The following NELL1 variants were observed in gnomAD, a reference collection of about 807,000 sequenced individuals.
NELL1 encodes the protein neural EGFL like 1.
NELL1 carries 76 observed loss-of-function variants against 107.4 expected under a neutral mutation model. The ratio of observed to expected loss-of-function variants is 0.71; its 90% confidence interval spans 0.59 to 0.86. The LOEUF is 0.86. NELL1 is among the 40% of genes least tolerant of loss of function. The pLI, the probability that NELL1 is intolerant of heterozygous loss-of-function variation, is 0.00. For missense variants in NELL1, 1,024 were observed against 1,005.5 expected, an observed-to-expected ratio of 1.02 and a Z score of -0.25; for synonymous variants, 353 against 341.2, an observed-to-expected ratio of 1.03 and a Z score of -0.38.
At chr11:21,535,369 T>C (rs1856108219) in intron 16 of NELL1, among the ~76,000 whole-genome samples, 2 of 152,200 alleles carry the variant, frequency 1.3e-5, no homozygotes, top group African/African-American at 4.8e-5. Flanking sequence ...AAAGTTTAGC[T>C]TGCTGAATTA....
rs138465155 is a variant in NELL1 at position 20,951,335 on chromosome 11, C to T, written c.1171+3900C>T. ...TTAACTTAGTCTTACCAAATTTTCT[C>T]ATATGGTTACTGTCCCCCACCCCAC... On this transcript the variant is annotated intron_variant, in intron 11 of 19. Coordinates refer to ENST00000357134, the MANE Select transcript of NELL1 (RefSeq NM_006157.5). 3.2e-4 allele frequency among the ~76,000 whole-genome samples: 49 copies of T among 152,270 alleles called. No individual in the cohort carries two copies. In the East Asian group the frequency reaches 9.1e-3, roughly 28 times the overall value.
chr11:21,071,164 A>G (rs1046953375), intron 12 of NELL1, among the ~76,000 whole-genome samples: 25 of 152,138 alleles, frequency 1.6e-4, no homozygotes, highest in Admixed American at 1.4e-3. Flanking sequence ...TTGGGGCCTC[A>G]GTTTTATTAT....
At chr11:21,334,614 T>C (rs1405014949) in intron 14 of NELL1, among the ~76,000 whole-genome samples, 2 of 151,972 alleles carry the variant, frequency 1.3e-5, no homozygotes, top group Admixed American at 6.6e-5. Context: ...ATTATATCTT[T>C]GTAGAATTCA....
At chr11:20,904,374 C>A (rs995038997) in intron 5 of NELL1, among the ~76,000 whole-genome samples, 1 of 151,920 alleles carries the variant, frequency 6.6e-6, no homozygotes, top group Admixed American at 6.6e-5. Flanking sequence ...ATTGTATGCA[C>A]GTACCAAATA....
At chr11:20,678,756 C>G (rs547398092) in intron 2 of NELL1, among the ~76,000 whole-genome samples, 1 of 152,210 alleles carries the variant, frequency 6.6e-6, no homozygotes, top group African/African-American at 2.4e-5. Flanking sequence ...AAATAACTAG[C>G]TAGTTTCCTT....
At chr11:21,280,281 C>G (rs562545380) in intron 14 of NELL1, among the ~76,000 whole-genome samples, 1 of 152,208 alleles carries the variant, frequency 6.6e-6, no homozygotes, top group Non-Finnish European at 1.5e-5. Flanking sequence ...GCAAGACGGC[C>G]AAATAGAAGG....
intron 14 of NELL1, among the ~76,000 whole-genome samples, chr11:21,272,632 G>C (rs1848764719): frequency 6.6e-6 from 1 of 152,194 alleles, no homozygotes. Flanking sequence ...CACCCGAGTA[G>C]CCTAACTGGG....
chr11:20,890,718 C>T (rs1849600032), intron 5 of NELL1, among the ~76,000 whole-genome samples: 1 of 151,566 alleles, frequency 6.6e-6, no homozygotes, highest in Non-Finnish European at 1.5e-5. Flanking sequence ...GAAGCATACA[C>T]AAGTATCAAT....
chr11:21,224,122 C>G (rs924889374), intron 13 of NELL1, among the ~76,000 whole-genome samples: 3 of 152,122 alleles, frequency 2.0e-5, no homozygotes, highest in Admixed American at 2.0e-4. Flanking sequence ...GAAAGTTTGA[C>G]TATAATGTGC....
intron 13 of NELL1, among the ~76,000 whole-genome samples, chr11:21,220,424 A>G (rs370454113): frequency 1.3e-5 from 2 of 152,112 alleles, no homozygotes; most frequent in Admixed American, 1.3e-4. Context: ...TCAACATGTC[A>G]TTAATAGCTA....
At chr11:20,865,645 C>T (rs1338561206) in intron 4 of NELL1, among the ~76,000 whole-genome samples, 1 of 152,088 alleles carries the variant, frequency 6.6e-6, no homozygotes, top group Non-Finnish European at 1.5e-5. Flanking sequence ...TGTGGGGTCA[C>T]CTTGGGCTGG....
At chr11:21,132,496 C>T (rs976642521) in intron 13 of NELL1, among the ~76,000 whole-genome samples, 5 of 152,128 alleles carry the variant, frequency 3.3e-5, no homozygotes, top group African/African-American at 9.7e-5. Context: ...ACAGTCCAGG[C>T]ACTGCACACA....
intron 2 of NELL1, among the ~76,000 whole-genome samples, chr11:20,686,381 C>G (rs1436639997): frequency 2.0e-5 from 3 of 152,008 alleles, no homozygotes; most frequent in Non-Finnish European, 4.4e-5. Flanking sequence ...TTATTTTCTT[C>G]TTGCTTGAAA....
At chr11:20,701,463 G>A (rs1854785476) in intron 2 of NELL1, among the ~76,000 whole-genome samples, 1 of 152,116 alleles carries the variant, frequency 6.6e-6, no homozygotes, top group South Asian at 2.1e-4. Context: ...TAGGTTGCCT[G>A]TTCACTCTGA....
chr11:21,043,436 A>T (rs1183058960), intron 12 of NELL1, among the ~76,000 whole-genome samples: 2 of 152,114 alleles, frequency 1.3e-5, no homozygotes, highest in Non-Finnish European at 2.9e-5. Context: ...TTTTGCTGAG[A>T]GAGAAAGGGA....
At chr11:21,133,821 G>C (rs957135315) in intron 13 of NELL1, among the ~76,000 whole-genome samples, 1 of 152,182 alleles carries the variant, frequency 6.6e-6, no homozygotes, top group Non-Finnish European at 1.5e-5. Context: ...GAGAGCAAAC[G>C]GAGGCCCGGG....
chr11:21,251,959 A>C (rs1403681236), intron 14 of NELL1, among the ~76,000 whole-genome samples: 1 of 152,192 alleles, frequency 6.6e-6, no homozygotes, highest in Non-Finnish European at 1.5e-5. Context: ...TGTTCATGAA[A>C]GAACAGGGTT....
At chr11:20,975,866 T>C (rs1271641475) in intron 12 of NELL1, among the ~76,000 whole-genome samples, 1 of 129,462 alleles carries the variant, frequency 7.7e-6, no homozygotes, top group Non-Finnish European at 1.7e-5. Context: ...ATATGTGTAT[T>C]ATATATACAC....
At chr11:21,516,379 C>CGTGTGTGTATCTTGTGT (rs1352810931) in intron 15 of NELL1, among the ~76,000 whole-genome samples, 1 of 152,084 alleles carries the variant, frequency 6.6e-6, no homozygotes, top group Non-Finnish European at 1.5e-5. Context: ...TGCCTGTACA[C>CGTGTGTGTATCTTGTGT]GTGTGTGTAT....
Sources: gnomAD v4.1 joint callset for allele counts (sites outside exome capture counted in the v4.1 genomes callset) on GRCh38, gnomAD v4.1.1 for gene constraint, MANE v1.5 for transcripts, NCBI Gene and HGNC (gene_info 2026-07-23, HGNC 2026-07-21) for gene names.